The following SPDYE1 variants were observed in gnomAD, a reference collection of about 807,000 sequenced individuals.
The protein encoded by SPDYE1 is speedy/RINGO cell cycle regulator family member E1, also known as speedy protein E1.
Under a neutral mutation model 45.9 loss-of-function variants are expected in SPDYE1, and 29 were observed. The observed-to-expected ratio is 0.63, with a 90% CI of 0.47 to 0.86. The LOEUF (loss-of-function observed/expected upper bound fraction) is 0.86. Among genes scored for constraint, SPDYE1 ranks in the 40% least tolerant of loss-of-function variants. SPDYE1 has a pLI of 0.00. For missense variants in SPDYE1, 346 were observed against 481.4 expected (o/e 0.72, Z 2.63); for synonymous variants, 134 against 176.8 (o/e 0.76, Z 1.92).
chr7:44,007,236 C>T lies in SPDYE1; in HGVS notation c.753-32C>T, dbSNP rs749161749. 8.1e-6 allele frequency: 13 copies of T among 1,612,172 alleles called. No homozygotes were observed. The East Asian group carries it at 1.1e-4, about 14-fold the overall frequency. On this transcript the variant is annotated intron_variant, in intron 6 of 8. Transcript: ENST00000693451. The stretch of plus-strand genomic sequence containing the variant: ...CAGCCGGAGGTCTCTCCTGGTGGTG[C>T]CCCTGAGCAGCAACCTGATTCCTGT...
rs771494515 is a variant in SPDYE1 at position 44,005,230 on chromosome 7, G to A, written c.752+3G>A. ...CGCCTTCATTTCTTCCTGGCTCTGT[G>A]AGTGGTTTGCTGCCTCCTATCCGTC... On this transcript the variant is annotated splice_donor_region_variant and intron_variant, in intron 6 of 8. Transcript: ENST00000693451. The A allele has an allele frequency of 6.2e-7, 1 of 1,611,980 alleles. No individual in the cohort carries two copies.
At chr7:43,998,026 C>T (rs910666456) in intron 1 of SPDYE1, among the ~76,000 whole-genome samples, 67 bp downstream of exon 1, 3 of 152,080 alleles carry the variant, frequency 2.0e-5, no homozygotes, top group African/African-American at 7.2e-5. Flanking sequence ...CTTTTCATTC[C>T]ACAAAAGAGA....
intron 6 of SPDYE1, 145 bp downstream of exon 6, chr7:44,005,372 C>G (rs1393512781): frequency 1.6e-6 from 2 of 1,268,096 alleles, no homozygotes; most frequent in Non-Finnish European, 2.3e-6. Context: ...CTATCATAGA[C>G]TGTTGTTTCT....
intron 1 of SPDYE1, among the ~76,000 whole-genome samples, chr7:43,998,985 T>G (rs918433961): frequency 6.1e-5 from 9 of 148,094 alleles, no homozygotes; most frequent in African/African-American, 2.3e-4. Flanking sequence ...CAGCTGAAAT[T>G]TTTCGACTTA....
In SPDYE1 at chr7:44,007,322, C is replaced by T. The variant is rs754893324; in HGVS notation, c.807C>T (p.Phe269=). 1 of 1,613,226 alleles carries T rather than the reference C, an allele frequency of 6.2e-7. No individual in the cohort carries two copies. The highest frequency in any genetic ancestry group is 8.5e-7 in the Non-Finnish European group (1 of 1,180,050). The change falls in exon 7 of 9, where the codon TTC becomes TTT. Residue 269 remains phenylalanine, a synonymous_variant. Coordinates refer to ENST00000693451, the MANE Select transcript of SPDYE1 (RefSeq NM_001378423.2). ...ACGAGGACTCCAAACAAAACATCTT[C>T]CACTTCCTGTATGGGAAGAACCGCT... ...EDDEDSKQNI[F]HFLYGKNRSR... is the part of the protein sequence containing the mutation.
chr7:43,998,512 A>C (rs1315597969), intron 1 of SPDYE1, among the ~76,000 whole-genome samples: 2 of 145,912 alleles, frequency 1.4e-5, no homozygotes, highest in African/African-American at 5.2e-5. Context: ...ATGGGGTTTC[A>C]CCATGTTGTC....
In SPDYE1 at chr7:44,008,685, G is replaced by A. The variant is rs576483856; in HGVS notation, c.*64G>A. On this transcript the variant is annotated 3_prime_UTR_variant, in exon 9 of 9. Transcript: ENST00000693451. ...CTTCCAGAACACCGGACCCAGGGGAGATGTGGATTTTCAGCAGGAACTTTA... is the reference window on the plus strand; with the variant it reads ...CTTCCAGAACACCGGACCCAGGGGAAATGTGGATTTTCAGCAGGAACTTTA... 7.0e-5 allele frequency: 89 copies of A among 1,275,646 alleles called. 3 individuals carry two copies. In the South Asian group the frequency reaches 1.1e-3, roughly 16 times the overall value. 79.0% of individuals were successfully genotyped at this position (1,275,646 alleles called of 1,614,324 possible).
intron 3 of SPDYE1, 144 bp downstream of exon 3, chr7:44,001,428 G>A: frequency 1.3e-6 from 2 of 1,520,690 alleles, no homozygotes; most frequent in Non-Finnish European, 1.8e-6. Context: ...GATCACTCAT[G>A]AGGGACACTT....
rs2096075199 is a variant in SPDYE1, at chr7:44,008,728, GACACCA to G, written c.*108_*113del. On this transcript the variant is annotated 3_prime_UTR_variant, in exon 9 of 9. Coordinates refer to ENST00000693451, the MANE Select transcript of SPDYE1 (RefSeq NM_001378423.2). ...GAACTTTATTCCAATGCTAATGGCA[GACACCA>G]GGAAGGAGGAGAGGAACCATTTGTG... 1 of 1,209,462 alleles carries G rather than the reference GACACCA, an allele frequency of 8.3e-7. No homozygotes were observed. Among genetic ancestry groups the G allele is most frequent in the Non-Finnish European group, 1.1e-6 (1 of 911,948 alleles). The allele number at this position is 1,209,462 out of a possible 1,614,324, so 74.9% of individuals were successfully genotyped here. A position where few individuals can be genotyped will look rare whatever the true frequency, so the allele number is the denominator to read the frequency against.
intron 5 of SPDYE1, chr7:44,004,761 G>A: frequency 2.9e-6 from 1 of 345,168 alleles, no homozygotes; most frequent in South Asian, 2.5e-5. Context: ...TGGGTCCTTT[G>A]GGATCTGAGC....
chr7:44,000,263 T>C (rs1446549287), intron 2 of SPDYE1, among the ~76,000 whole-genome samples, 154 bp downstream of exon 2: 6 of 138,692 alleles, frequency 4.3e-5, no homozygotes, highest in East Asian at 2.3e-4. Flanking sequence ...GCCTGGCCAA[T>C]ATGGTGAAAC....
chr7:44,008,167 G>A (rs1562633854), intron 8 of SPDYE1, among the ~76,000 whole-genome samples: 1 of 152,248 alleles, frequency 6.6e-6, no homozygotes, highest in Non-Finnish European at 1.5e-5. Context: ...TTTGGGTCGA[G>A]GGTTCAGTGA....
chr7:44,001,211 C>T lies in SPDYE1; in HGVS notation c.306C>T (p.Leu102=), dbSNP rs1585930394. 9 of 1,598,078 alleles carry T rather than the reference C, an allele frequency of 5.6e-6. No individual in the cohort carries two copies. Among genetic ancestry groups the T allele is most frequent in the Non-Finnish European group, 7.6e-6 (9 of 1,179,892 alleles). The change falls in exon 3 of 9, where the codon CTC becomes CTT. Residue 102 remains leucine (L), a synonymous_variant. Transcript: ENST00000693451. The part of the protein sequence containing the change: ...ETWVVETLCG[L]KMKLKQQRVS... ...GGGTAGTGGAGACGCTGTGTGGGCT[C>T]AAGATGAAGCTGAAGCAACAGCGAG...
At chr7:44,007,076 T>A in intron 6 of SPDYE1, 192 bp from the exon 7 acceptor site, 1 of 1,395,166 alleles carries the variant, frequency 7.2e-7, no homozygotes. Flanking sequence ...GTCTCCATCC[T>A]GAAGGAGTGG....
intron 1 of SPDYE1, among the ~76,000 whole-genome samples, 66 bp from the exon 2 acceptor site, chr7:43,999,462 C>T (rs1442123014): frequency 6.6e-6 from 1 of 151,522 alleles, no homozygotes; most frequent in African/African-American, 2.4e-5. Context: ...TAATCTCACT[C>T]TTATAAGGTT....
rs192980408 is a variant in SPDYE1 at position 44,000,798 on chromosome 7, A to G, written c.161-268A>G. The G allele has an allele frequency of 6.1e-3, 5,185 of 843,604 alleles. 67 individuals carry two copies. Among genetic ancestry groups the G allele is most frequent in the Middle Eastern group, 8.9e-3 (16 of 1,794 alleles). The allele number at this position is 843,604 out of a possible 1,614,324, so 52.3% of individuals were successfully genotyped here. On this transcript the variant is annotated intron_variant, in intron 2 of 8. Transcript: ENST00000693451. ...CAAAGCAAGATTCTGTGTCAAAACAAAACAAAACAAAACAAAAAAGGAGGG... is the reference window on the plus strand; with the variant it reads ...CAAAGCAAGATTCTGTGTCAAAACAGAACAAAACAAAACAAAAAAGGAGGG...
Position 44,009,277 on chromosome 7 carries a change from T to TGA in SPDYE1, c.*656_*657insGA, listed in dbSNP as rs1282902347. 1 of 71,252 alleles carries TGA rather than the reference T, an allele frequency of 1.4e-5. No homozygotes were observed. Among genetic ancestry groups the TGA allele is most frequent in the African/African-American group, 6.9e-5 (1 of 14,576 alleles). 4.4% of individuals were successfully genotyped at this position (71,252 alleles called of 1,614,324 possible). ...CATAAAGATAATTTTCTTTTCATTT[T>TGA]TGAGACAATTCTTTTTATCCTAAAT... On this transcript the variant is annotated 3_prime_UTR_variant, in exon 9 of 9. Coordinates refer to ENST00000693451, the MANE Select transcript of SPDYE1 (RefSeq NM_001378423.2).
intron 6 of SPDYE1, among the ~76,000 whole-genome samples, chr7:44,005,894 G>A (rs1008619925): frequency 1.6e-4 from 25 of 152,074 alleles, no homozygotes; most frequent in African/African-American, 6.0e-4. Flanking sequence ...GGGTTCCCAT[G>A]ACAGAGGCCA....
chr7:44,007,969 C>T, intron 8 of SPDYE1, 156 bp downstream of exon 8: 3 of 1,495,478 alleles, frequency 2.0e-6, no homozygotes, highest in Non-Finnish European at 2.7e-6. Context: ...TGGGACGCAT[C>T]TCTACTCCCA....
Sources: allele counts gnomAD v4.1 joint callset (sites outside exome capture counted in the v4.1 genomes callset), GRCh38; gene constraint gnomAD v4.1.1; transcripts MANE v1.5; gene names NCBI Gene and HGNC (gene_info 2026-07-23, HGNC 2026-07-21).